Variants in FOXA1 observed in about 807,000 individuals in gnomAD.
FOXA1 encodes the protein forkhead box A1, also known as hepatocyte nuclear factor 3-alpha.
Under a neutral mutation model 29.2 loss-of-function variants are expected in FOXA1, and 9 were observed. The ratio of observed to expected loss-of-function variants is 0.31; its 90% CI spans 0.19 to 0.54. The LOEUF (loss-of-function observed/expected upper bound fraction) is 0.54. Among genes scored for constraint, FOXA1 ranks in the 20% least tolerant of loss-of-function variants. FOXA1 has a pLI of 0.95. For synonymous variants in FOXA1, 340 were observed against 300.9 expected, an observed-to-expected ratio of 1.13 and a Z score of -1.34; for missense variants, 644 against 681.2, an observed-to-expected ratio of 0.95 and a Z score of 0.61.
rs770046064 is a variant in FOXA1, at chr14:37,592,683, A to G, written c.101T>C (p.Met34Thr). Residue 34 changes from methionine to threonine, a missense_variant, in exon 2 of 2, where the codon ATG (methionine) becomes ACG (threonine). By Grantham distance (81) the Met-to-Thr change is moderately conservative. Coordinates refer to ENST00000250448, the MANE Select transcript of FOXA1 (RefSeq NM_004496.5). ...EAYSSVPVSN[M>T]NSGLGSMNSM... ...GTTCATGGAGCCCAGGCCTGAGTTC[A>G]TGTTGCTGACCGGGACGGAGGAGTA... 3.7e-6 allele frequency: 6 copies of G among 1,613,828 alleles called. No individual in the cohort carries two copies. The highest frequency in any genetic ancestry group is 4.2e-6 in the Non-Finnish European group (5 of 1,180,028).
In FOXA1 at chr14:37,592,548, G is replaced by C. The variant is rs1387961059; in HGVS notation, c.236C>G (p.Pro79Arg). Residue 79 changes from proline to arginine, a missense_variant, in exon 2 of 2, where the codon CCC (proline) becomes CGC (arginine). By Grantham distance (103) the Pro-to-Arg change is moderately radical (BLOSUM62 -2). Transcript: ENST00000250448. Reference protein sequence around the residue: ...ANPGLGAGLSPGAVAGMPGGS... With the variant: ...ANPGLGAGLSRGAVAGMPGGS... The stretch of plus-strand genomic sequence containing the variant: ...CCCCGGCATGCCGGCTACTGCGCCG[G>C]GACTCAGGCCGGCCCCTAGGCCCGG... 1 of 1,613,854 alleles carries C rather than the reference G, an allele frequency of 6.2e-7. No individual in the cohort carries two copies. Among genetic ancestry groups the C allele is most frequent in the East Asian group, 2.2e-5 (1 of 44,846 alleles).
intron 1 of FOXA1, chr14:37,594,288 G>A: frequency 8.4e-7 from 1 of 1,196,250 alleles, no homozygotes; most frequent in Non-Finnish European, 1.1e-6. Flanking sequence ...GCCACCAAGG[G>A]GACAATGAAG....
Position 37,592,050 on chromosome 14 carries a change from G to T in FOXA1, c.734C>A (p.Thr245Lys). 1 of 1,609,524 alleles carries T rather than the reference G, an allele frequency of 6.2e-7. No individual in the cohort carries two copies. The highest frequency in any genetic ancestry group is 8.5e-7 in the Non-Finnish European group (1 of 1,177,728). Residue 245 changes from threonine (T) to lysine (K), a missense_variant, in exon 2 of 2, where the codon ACG becomes AAG. Transcript: ENST00000250448. The part of the protein sequence containing the change: ...PDKPGKGSYW[T>K]LHPDSGNMFE... ...CATGTTGCCGGAGTCCGGGTGCAGC[G>T]TCCAGTAGGAGCCCTTGCCCGGCTT...
In FOXA1 at chr14:37,592,580, A is replaced by G; in HGVS notation, c.204T>C (p.Tyr68=). The G allele has an allele frequency of 1.2e-6, 2 of 1,614,152 alleles. No homozygotes were observed. The highest frequency in any genetic ancestry group is 1.7e-4 in the Middle Eastern group (1 of 6,060). The change falls in exon 2 of 2, where the codon TAT becomes TAC. Residue 68 remains tyrosine, a synonymous_variant. Coordinates refer to ENST00000250448, the MANE Select transcript of FOXA1 (RefSeq NM_004496.5). ...NMTPASFNMS[Y]ANPGLGAGLS... is the part of the protein sequence containing the mutation. ...GGCCGGCCCCTAGGCCCGGGTTGGCATAGGACATGTTGAAGGACGCCGGGG... is the reference window on the plus strand; with the variant it reads ...GGCCGGCCCCTAGGCCCGGGTTGGCGTAGGACATGTTGAAGGACGCCGGGG...
rs757567436 is a variant in FOXA1 at position 37,594,982 on chromosome 14, A to C, written c.-10T>G. On this transcript the variant is annotated 5_prime_UTR_variant, in exon 1 of 2. Transcript: ENST00000250448. ...TCACAGTTCCTAACATCCTGGAGCC[A>C]CCCTGCCCAATACAACCATCCAGCC... The C allele has an allele frequency of 1.9e-5, 29 of 1,559,342 alleles. No individual in the cohort carries two copies. The highest frequency in any genetic ancestry group is 2.4e-5 in the Non-Finnish European group (28 of 1,145,554).
rs781104468 is a variant in FOXA1 at position 37,591,954 on chromosome 14, C to T, written c.830G>A (p.Gly277Glu). 3 of 1,526,008 alleles carry T rather than the reference C, an allele frequency of 2.0e-6. No individual in the cohort carries two copies. Among genetic ancestry groups the T allele is most frequent in the Non-Finnish European group, 2.6e-6 (3 of 1,140,064 alleles). The allele number at this position is 1,526,008 out of a possible 1,614,324, so 94.5% of individuals were successfully genotyped here. The change falls in exon 2 of 2, where the codon GGG (glycine) becomes GAG (glutamate). Residue 277 changes from glycine (G) to glutamate (E), a missense_variant. By Grantham distance (98) the Gly-to-Glu change is moderately conservative (BLOSUM62 -2). Transcript: ENST00000250448. ...GCTGCCCCCGCTTCCGCTCCCGCCCCCGCCGCCGGCCCCCGGCTGCTTCTC... is the reference window on the plus strand; with the variant it reads ...GCTGCCCCCGCTTCCGCTCCCGCCCTCGCCGCCGGCCCCCGGCTGCTTCTC... ...KCEKQPGAGG[G>E]GGSGSGGSGA...
At chr14:37,594,392 T>C (rs1262849598) in intron 1 of FOXA1, 7 of 1,029,456 alleles carry the variant, frequency 6.8e-6, no homozygotes, top group South Asian at 3.3e-5. Flanking sequence ...TCTCCCCAAA[T>C]AGGGCTTTTG....
chr14:37,594,160 T>A (rs1263454255), intron 1 of FOXA1: 1 of 1,288,626 alleles, frequency 7.8e-7, no homozygotes, highest in African/African-American at 1.5e-5. Context: ...ATTAAACTTT[T>A]GGAGGGTAAT....
rs756922846 is a variant in FOXA1 at position 37,591,635 on chromosome 14, C to T, written c.1149G>A (p.Glu383=). Residue 383 remains glutamate, a synonymous_variant, in exon 2 of 2, where the codon GAG becomes GAA. Transcript: ENST00000250448. The stretch of plus-strand genomic sequence containing the variant: ...GGTCCCCTTTCAGGTGCAGCTGGGA[C>T]TCGTGGGGTGCCAAGCCGTGTGCCG... The part of the protein sequence containing the change: ...SHPAHGLAPH[E]SQLHLKGDPH... 6.2e-7 allele frequency: 1 copy of T among 1,600,922 alleles called. No individual in the cohort carries two copies. Among genetic ancestry groups the T allele is most frequent in the Non-Finnish European group, 8.5e-7 (1 of 1,173,326 alleles).
chr14:37,592,560 G>A lies in FOXA1; in HGVS notation c.224C>T (p.Ala75Val), dbSNP rs780802269. The change falls in exon 2 of 2, where the codon GCC becomes GTC. Residue 75 changes from alanine to valine, a missense_variant. Ala to Val is a moderately conservative substitution (Grantham distance 64). Around this residue, in one of 5 missense-constraint regions of FOXA1, gnomAD observed 309 missense variants for 307.0 expected, o/e 1.01. Coordinates refer to ENST00000250448, the MANE Select transcript of FOXA1 (RefSeq NM_004496.5). ...NMSYANPGLG[A>V]GLSPGAVAGM... ...GGCTACTGCGCCGGGACTCAGGCCGGCCCCTAGGCCCGGGTTGGCATAGGA... is the reference window on the plus strand; with the variant it reads ...GGCTACTGCGCCGGGACTCAGGCCGACCCCTAGGCCCGGGTTGGCATAGGA... The A allele has an allele frequency of 6.2e-7, 1 of 1,614,046 alleles. No individual in the cohort carries two copies. The highest frequency in any genetic ancestry group is 8.5e-7 in the Non-Finnish European group (1 of 1,179,952).
At chr14:37,593,814 C>G (rs898580854) in intron 1 of FOXA1, 1 of 177,490 alleles carries the variant, frequency 5.6e-6, no homozygotes, top group African/African-American at 2.4e-5. Context: ...TTTAAACATA[C>G]AAAACCTAGG....
Position 37,594,943 on chromosome 14 carries a change from A to G in FOXA1, c.30T>C (p.His10=), listed in dbSNP as rs892167550. The stretch of plus-strand genomic sequence containing the variant: ...AGTAGCTGTTCCAGTCGCTGGTTTC[A>G]TGCCCTTCCATCTTCACAGTTCCTA... The part of the protein sequence containing the change: MLGTVKMEG[H]ETSDWNSYYA... Residue 10 remains histidine, a synonymous_variant, in exon 1 of 2, where the codon CAT becomes CAC. Transcript: ENST00000250448. The G allele has an allele frequency of 3.8e-6, 6 of 1,577,398 alleles. No individual in the cohort carries two copies. The African/African-American group carries it at 8.2e-5, about 22-fold the overall frequency.
chr14:37,592,980 G>A (rs987304845), intron 1 of FOXA1, among the ~76,000 whole-genome samples: 3 of 152,270 alleles, frequency 2.0e-5, no homozygotes, highest in African/African-American at 4.8e-5. Context: ...CGCCTTACAC[G>A]CCAGGCTCAG....
intron 1 of FOXA1, 70 bp from the exon 2 acceptor site, chr14:37,592,781 T>C (rs933164274): frequency 6.3e-7 from 1 of 1,587,154 alleles, no homozygotes; most frequent in South Asian, 1.1e-5. Context: ...AGGGCGGCCG[T>C]CCGGGACCTA....
rs546145599 is a variant in FOXA1, at chr14:37,595,142, C to CGCGGCG, written c.-176_-171dup. The CGCGGCG allele has an allele frequency of 5.0e-5, 9 of 178,554 alleles. No individual in the cohort carries two copies. Among genetic ancestry groups the CGCGGCG allele is most frequent in the East Asian group, 1.9e-4 (1 of 5,138 alleles). The allele number at this position is 178,554 out of a possible 1,614,324, so 11.1% of individuals were successfully genotyped here. A position where few individuals can be genotyped will look rare whatever the true frequency, so the allele number is the denominator to read the frequency against. On this transcript the variant is annotated 5_prime_UTR_variant, in exon 1 of 2. Coordinates refer to ENST00000250448, the MANE Select transcript of FOXA1 (RefSeq NM_004496.5). ...GCCCAGAGCTGCGGGGCGCGGCGTG[C>CGCGGCG]GCGGCGGCGGCGGCGGCGCGGCGGG...
chr14:37,591,413 C>T lies in FOXA1; in HGVS notation c.1371G>A (p.Pro457=), dbSNP rs373020885. The change falls in exon 2 of 2, where the codon CCG becomes CCA. Residue 457 remains proline (P), a synonymous_variant. Coordinates refer to ENST00000250448, the MANE Select transcript of FOXA1 (RefSeq NM_004496.5). ...TGGAATACACACCTTGGTAGTACGC[C>T]GGCTCCAGGGCTGAGGGCTCGATGG... ...RSPIEPSALE[P]AYYQGVYSRP... The T allele has an allele frequency of 5.6e-6, 9 of 1,613,884 alleles. No individual in the cohort carries two copies. The African/African-American group carries it at 1.1e-4, about 19-fold the overall frequency.
intron 1 of FOXA1, chr14:37,594,005 A>G (rs2095599055): frequency 9.0e-7 from 1 of 1,110,832 alleles, no homozygotes; most frequent in South Asian, 1.7e-5. Flanking sequence ...ATAAATCTAA[A>G]TAAGTCAGTT....
rs1171730471 is a variant in FOXA1, at chr14:37,590,584, T to C, written c.*781A>G. The C allele has an allele frequency of 3.1e-5, 7 of 226,850 alleles. No homozygotes were observed. Among genetic ancestry groups the C allele is most frequent in the Non-Finnish European group, 3.5e-5 (4 of 114,286 alleles). The allele number at this position is 226,850 out of a possible 1,614,324, so 14.1% of individuals were successfully genotyped here. A position where few individuals can be genotyped will look rare whatever the true frequency, so the allele number is the denominator to read the frequency against. On this transcript the variant is annotated 3_prime_UTR_variant, in exon 2 of 2. Transcript: ENST00000250448. ...TCTGTGGGTAGAGAGGACAAAGGGG[T>C]TGGGGTCCTTGTAACTTTCGGTCAA...
At chr14:37,594,589 C>G (rs2095600005) in intron 1 of FOXA1, 1 of 193,898 alleles carries the variant, frequency 5.2e-6, no homozygotes, top group South Asian at 1.6e-4. Context: ...CGCTGCACCC[C>G]GGGCCCGGCT....
Sources: allele counts gnomAD v4.1 joint callset (sites outside exome capture counted in the v4.1 genomes callset), GRCh38; gene constraint gnomAD v4.1.1; regional missense constraint gnomAD v4.1.1; transcripts MANE v1.5; gene names NCBI Gene and HGNC (gene_info 2026-07-23, HGNC 2026-07-21).